POLA1: variants seen among roughly 807,000 people sequenced by gnomAD.
The protein encoded by POLA1 is DNA polymerase alpha catalytic subunit.
Under a neutral mutation model 124.0 loss-of-function variants are expected in POLA1, and 15 were observed. The observed-to-expected ratio is 0.12, with a 90% CI of 0.08 to 0.19. POLA1 has a LOEUF of 0.19. Ranked by LOEUF, POLA1 falls within the 10% of genes least tolerant of loss-of-function variation. The pLI is 1.00. For synonymous variants in POLA1, 408 were observed against 389.4 expected, an observed-to-expected ratio of 1.05 and a Z score of -0.56; for missense variants, 886 against 1,103.4, an observed-to-expected ratio of 0.80 and a Z score of 2.79.
At position 24,832,039 on chromosome X, in the gene POLA1, G is replaced by A. The variant is rs755701518; in HGVS notation, c.3736+5438G>A. On this transcript the variant is annotated intron_variant, in intron 32 of 36. Coordinates refer to ENST00000379068, the MANE Select transcript of POLA1 (RefSeq NM_001330360.2). ...GATTTCACTGTTGTGGGCAAGTCTA[G>A]TGGGCAACACAGTGTATGTCCCAAA... Among the ~76,000 whole-genome samples the A allele has an allele frequency of 2.4e-4, 27 of 112,114 alleles. 1 individual carries two copies. Among genetic ancestry groups the A allele is most frequent in the Admixed American group, 9.4e-5 (1 of 10,624 alleles).
At chrX:24,713,412 T>C (rs1929605746) in intron 4 of POLA1, among the ~76,000 whole-genome samples, 2 of 110,679 alleles carry the variant, frequency 1.8e-5, no homozygotes, top group Non-Finnish European at 3.8e-5. Flanking sequence ...ATGGCAAAAG[T>C]TTTGTTTGTT....
chrX:24,852,654 G>A (rs1177798487), intron 34 of POLA1, among the ~76,000 whole-genome samples: 3 of 111,607 alleles, frequency 2.7e-5, no homozygotes, highest in Non-Finnish European at 3.8e-5. Context: ...TTTTTGTCTT[G>A]GTTCAAAACT....
chrX:24,919,290 C>T (rs1008224416), intron 35 of POLA1, among the ~76,000 whole-genome samples: 1 of 112,311 alleles, frequency 8.9e-6, no homozygotes, highest in Non-Finnish European at 1.9e-5. Context: ...CTCTTTATCT[C>T]GGGAAACTTC....
At chrX:24,701,434 CT>C (rs1331309084) in intron 2 of POLA1, among the ~76,000 whole-genome samples, 1,630 of 93,146 alleles carry the variant, frequency 0.017, 36 homozygotes, top group African/African-American at 0.054. Flanking sequence ...AGGTAGAACT[CT>C]TTTTTTTTTT....
At chrX:24,948,534 C>T (rs930949417) in intron 36 of POLA1, among the ~76,000 whole-genome samples, 5 of 110,872 alleles carry the variant, frequency 4.5e-5, no homozygotes, top group South Asian at 7.5e-4. Context: ...GATAAATAAG[C>T]GTGATAAACC....
At chrX:24,919,833 T>TTTTTTTTGTTTG (rs1569362780) in intron 35 of POLA1, among the ~76,000 whole-genome samples, 1 of 82,468 alleles carries the variant, frequency 1.2e-5, no homozygotes, top group African/African-American at 5.2e-5. Context: ...TTTTTTTTTG[T>TTTTTTTTGTTTG]TTTGTTTTTC....
At chrX:24,964,001 G>T (rs924761897) in intron 36 of POLA1, among the ~76,000 whole-genome samples, 5 of 111,574 alleles carry the variant, frequency 4.5e-5, no homozygotes, top group African/African-American at 1.3e-4. Context: ...AGTCAAGTTT[G>T]TTCTGCATTA....
chrX:24,858,589 A>G (rs2046677369), intron 34 of POLA1, among the ~76,000 whole-genome samples: 1 of 112,134 alleles, frequency 8.9e-6, no homozygotes, highest in African/African-American at 3.2e-5. Context: ...ATTTCTCAAT[A>G]TTCCTTGTAG....
chrX:24,995,829 C>A lies in POLA1; in HGVS notation c.4286C>A (p.Thr1429Asn). 2 of 1,205,437 alleles carry A rather than the reference C, an allele frequency of 1.7e-6. No individual in the cohort carries two copies. The highest frequency in any genetic ancestry group is 2.2e-6 in the Non-Finnish European group (2 of 890,595). Residue 1429 changes from threonine to asparagine, a missense_variant, in exon 37 of 37, where the codon ACC (threonine) becomes AAC (asparagine). This residue lies in a region of POLA1 where 313 missense variants were observed against 359.7 expected (regional missense o/e 0.87). Transcript: ENST00000379068. ...GATAAATTGAAGAAGCAATTTTTTACCCCCAAAGTTCTGCAGGACTACAGA... is the reference window on the plus strand; with the variant it reads ...GATAAATTGAAGAAGCAATTTTTTAACCCCAAAGTTCTGCAGGACTACAGA... ...EKDKLKKQFF[T>N]PKVLQDYRKL... is the part of the protein sequence containing the mutation.
chrX:24,944,361 C>A (rs2047938798), intron 36 of POLA1, among the ~76,000 whole-genome samples: 1 of 110,697 alleles, frequency 9.0e-6, no homozygotes, highest in African/African-American at 3.3e-5. Flanking sequence ...TGTACTGCTC[C>A]CAAAGGAATG....
chrX:24,739,600 C>A, intron 20 of POLA1, 50 bp downstream of exon 20: 1 of 798,951 alleles, frequency 1.3e-6, no homozygotes, highest in African/African-American at 2.1e-5. Flanking sequence ...TTAACAACAG[C>A]AGGACACTAC....
At chrX:24,788,335 T>TC (rs1249514111) in intron 26 of POLA1, 294 of 1,017,650 alleles carry the variant, frequency 2.9e-4, no homozygotes, top group Non-Finnish European at 3.3e-4. Context: ...TACTACTTCT[T>TC]TTTTTTTTTT....
chrX:24,837,256 A>C (rs2046352470), intron 32 of POLA1, among the ~76,000 whole-genome samples: 1 of 111,888 alleles, frequency 8.9e-6, no homozygotes, highest in African/African-American at 3.2e-5. Flanking sequence ...CCCAGTCAGC[A>C]CCTCTGTTAT....
In POLA1 at chrX:24,741,437, A is replaced by G; in HGVS notation, c.2279A>G (p.Gln760Arg). The G allele has an allele frequency of 8.4e-7, 1 of 1,195,471 alleles. No individual in the cohort carries two copies. The highest frequency in any genetic ancestry group is 1.1e-6 in the Non-Finnish European group (1 of 880,661). The change falls in exon 21 of 37, where the codon CAG becomes CGG. Residue 760 changes from glutamine (Q) to arginine (R), a missense_variant. Gln to Arg is a conservative substitution (Grantham distance 43). This residue lies in a region of POLA1 where 182 missense variants were observed against 252.8 expected (regional missense o/e 0.72). Coordinates refer to ENST00000379068, the MANE Select transcript of POLA1 (RefSeq NM_001330360.2). ...TGGAAAGATGCCAAGTTCATTTTGC[A>G]GATCATGTGTGAGCTAAATGTTCTT... ...HTWKDAKFIL[Q>R]IMCELNVLPL...
At chrX:24,733,889 GA>G (rs755443106) in intron 17 of POLA1, 73 bp downstream of exon 17, 54 of 538,759 alleles carry the variant, frequency 1.0e-4, no homozygotes, top group Non-Finnish European at 1.6e-4. Flanking sequence ...TGGACTAGTA[GA>G]AAAAAGGTGT....
At chrX:24,768,323 G>T (rs1023032623) in intron 26 of POLA1, among the ~76,000 whole-genome samples, 1 of 112,033 alleles carries the variant, frequency 8.9e-6, no homozygotes, top group Non-Finnish European at 1.9e-5. Context: ...AAGAGGATTG[G>T]GTGATGAAGC....
chrX:24,841,264 C>T (rs2046404796), intron 32 of POLA1, among the ~76,000 whole-genome samples: 1 of 112,261 alleles, frequency 8.9e-6, no homozygotes, highest in South Asian at 3.7e-4. Flanking sequence ...GTTGTAATGG[C>T]AGTGAACCTG....
intron 34 of POLA1, among the ~76,000 whole-genome samples, 183 bp from the exon 35 acceptor site, chrX:24,887,823 C>T (rs1440380742): frequency 9.4e-6 from 1 of 106,543 alleles, no homozygotes; most frequent in Non-Finnish European, 1.9e-5. Flanking sequence ...AATGGTTTTC[C>T]TAACTTCTAA....
At chrX:24,717,539 T>G (rs1929929476) in intron 9 of POLA1, 41 bp from the exon 10 acceptor site, 1 of 1,202,180 alleles carries the variant, frequency 8.3e-7, no homozygotes, top group Non-Finnish European at 1.1e-6. Context: ...ACAATTTTTC[T>G]GTTGGATTTT....
Sources: allele counts gnomAD v4.1 joint callset (sites outside exome capture counted in the v4.1 genomes callset), GRCh38; gene constraint gnomAD v4.1.1; regional missense constraint gnomAD v4.1.1; transcripts MANE v1.5; gene names NCBI Gene and HGNC (gene_info 2026-07-23, HGNC 2026-07-21).